INPP4B: variants seen among roughly 807,000 people sequenced by gnomAD.
INPP4B encodes the protein inositol polyphosphate 4-phosphatase type II.
Under a neutral mutation model 122.5 loss-of-function variants are expected in INPP4B, and 55 were observed. That is an observed-to-expected ratio of 0.45 (90% CI 0.36 to 0.56). The LOEUF (loss-of-function observed/expected upper bound fraction) is 0.56, where lower values mean the gene tolerates loss of function less well. Ranked by LOEUF, INPP4B falls within the 20% of genes least tolerant of loss-of-function variation. INPP4B has a pLI of 0.00. For missense variants in INPP4B, 1,000 were observed against 1,097.7 expected (o/e 0.91, Z 1.26); for synonymous variants, 403 against 388.7 (o/e 1.04, Z -0.43).
chr4:142,816,515 C>T (rs979374914), intron 1 of INPP4B, among the ~76,000 whole-genome samples: 8 of 151,852 alleles, frequency 5.3e-5, no homozygotes, highest in African/African-American at 1.9e-4. Context: ...TCTTAACTTC[C>T]AGTCATTTCT....
chr4:142,817,922 T>G (rs2151143101), intron 1 of INPP4B, among the ~76,000 whole-genome samples: 1 of 152,224 alleles, frequency 6.6e-6, no homozygotes, highest in South Asian at 2.1e-4. Context: ...AACTTAGCTG[T>G]GTGGTATTTT....
rs148142571 is a variant in INPP4B at position 142,250,591 on chromosome 4, A to C, written c.688+9901T>G. On this transcript the variant is annotated intron_variant, in intron 11 of 25. Coordinates refer to ENST00000262992, the MANE Select transcript of INPP4B (RefSeq NM_001101669.3). ...AAGTGCACAGGCCAAAGTCATATAC[A>C]TATTCTATATCTGCACAATGCACCT... Among the ~76,000 whole-genome samples, 101 of 152,348 alleles carry C rather than the reference A, an allele frequency of 6.6e-4. 1 individual carries two copies. Among genetic ancestry groups the C allele is most frequent in the Admixed American group, 3.5e-3 (54 of 15,296 alleles).
At chr4:142,791,578 A>G (rs1182044670) in intron 1 of INPP4B, among the ~76,000 whole-genome samples, 1 of 152,082 alleles carries the variant, frequency 6.6e-6, no homozygotes, top group Non-Finnish European at 1.5e-5. Flanking sequence ...ATGTCTTGCC[A>G]CTAACATGGG....
intron 2 of INPP4B, among the ~76,000 whole-genome samples, chr4:142,717,691 GA>G (rs1398365854): frequency 6.6e-6 from 1 of 152,046 alleles, no homozygotes. Context: ...AATGAGCAAT[GA>G]GAACACTTGG....
intron 2 of INPP4B, among the ~76,000 whole-genome samples, chr4:142,526,594 C>T (rs1242911978): frequency 3.9e-5 from 6 of 152,004 alleles, no homozygotes; most frequent in Non-Finnish European, 7.4e-5. Context: ...AGGATGCACA[C>T]GGAGATATCA....
chr4:142,512,919 A>G (rs925348029), intron 2 of INPP4B, among the ~76,000 whole-genome samples: 3 of 152,180 alleles, frequency 2.0e-5, no homozygotes, highest in African/African-American at 7.2e-5. Context: ...ATATTTTTTG[A>G]TATTACTCTA....
chr4:142,051,375 G>T (rs1208231293), intron 25 of INPP4B, among the ~76,000 whole-genome samples: 1 of 151,750 alleles, frequency 6.6e-6, no homozygotes, highest in Admixed American at 6.6e-5. Flanking sequence ...CTAGATGCTG[G>T]GTTAACAAAA....
intron 7 of INPP4B, among the ~76,000 whole-genome samples, chr4:142,344,089 C>T (rs1293246624): frequency 1.3e-5 from 2 of 152,010 alleles, no homozygotes; most frequent in East Asian, 1.9e-4. Context: ...TTTTGGTTAT[C>T]TTTCTAATAA....
chr4:142,240,191 GT>G (rs940753162), intron 11 of INPP4B, among the ~76,000 whole-genome samples: 62 of 145,994 alleles, frequency 4.2e-4, no homozygotes, highest in African/African-American at 1.2e-3. Flanking sequence ...GAGCATGCCA[GT>G]TTTTTTTTTC....
In INPP4B at chr4:142,678,966, T is replaced by C. The variant is rs528379135; in HGVS notation, c.-191+46873A>G. Reference sequence around the variant, plus strand: ...CTTTCAGTAATAAGACTGGGGAAATTATTCTACTGTTCTAACCAAAAAAGG... The same window carrying C: ...CTTTCAGTAATAAGACTGGGGAAATCATTCTACTGTTCTAACCAAAAAAGG... On this transcript the variant is annotated intron_variant, in intron 2 of 25. Transcript: ENST00000262992. 1.5e-4 allele frequency among the ~76,000 whole-genome samples: 23 copies of C among 152,050 alleles called. 2 individuals are homozygous for C. In the South Asian group the frequency reaches 4.8e-3, roughly 31 times the overall value.
rs547920815 is a variant in INPP4B at position 142,415,050 on chromosome 4, A to G, written c.137-9726T>C. ...AGTAAGCGGAAAAAGAAATGCAAGG[A>G]ACCACCTTAATTAAGCCTTTTACCA... is the stretch of plus-strand genomic sequence containing the variant. On this transcript the variant is annotated intron_variant, in intron 5 of 25. Coordinates refer to ENST00000262992, the MANE Select transcript of INPP4B (RefSeq NM_001101669.3). Among the ~76,000 whole-genome samples, 19 of 152,302 alleles carry G rather than the reference A, an allele frequency of 1.2e-4. No homozygotes were observed. The South Asian group carries it at 3.7e-3, about 30-fold the overall frequency.
At chr4:142,650,598 C>T (rs1190478633) in intron 2 of INPP4B, among the ~76,000 whole-genome samples, 1 of 149,614 alleles carries the variant, frequency 6.7e-6, no homozygotes, top group African/African-American at 2.4e-5. Flanking sequence ...AGACTTGAAA[C>T]CAACAAAGAT....
At chr4:142,092,517 C>A (rs1487933291) in intron 23 of INPP4B, among the ~76,000 whole-genome samples, 4 of 152,128 alleles carry the variant, frequency 2.6e-5, no homozygotes, top group Non-Finnish European at 2.9e-5. Flanking sequence ...TCTCAAACTC[C>A]TGACCTCAGG....
chr4:142,292,324 G>A (rs139129045), intron 9 of INPP4B, among the ~76,000 whole-genome samples: 1 of 152,216 alleles, frequency 6.6e-6, no homozygotes, highest in Non-Finnish European at 1.5e-5. Context: ...GGTCTATCCT[G>A]AAAGTGCTTT....
At chr4:142,205,517 A>G (rs1169495904) in intron 14 of INPP4B, among the ~76,000 whole-genome samples, 1 of 152,098 alleles carries the variant, frequency 6.6e-6, no homozygotes, top group Admixed American at 6.6e-5. Context: ...ATTTTCTCCA[A>G]TTTCATCAGC....
chr4:142,374,385 C>T (rs1036954382), intron 7 of INPP4B, among the ~76,000 whole-genome samples: 2 of 151,836 alleles, frequency 1.3e-5, no homozygotes, highest in Non-Finnish European at 2.9e-5. Flanking sequence ...ATCTAGATTT[C>T]TCAGCAAAGC....
At chr4:142,685,722 T>G (rs1444102443) in intron 2 of INPP4B, among the ~76,000 whole-genome samples, 1 of 152,060 alleles carries the variant, frequency 6.6e-6, no homozygotes, top group Non-Finnish European at 1.5e-5. Context: ...ATCACACAAC[T>G]GCACTCCCCC....
chr4:142,717,787 G>A (rs1235859738), intron 2 of INPP4B, among the ~76,000 whole-genome samples: 1 of 151,108 alleles, frequency 6.6e-6, no homozygotes, highest in Non-Finnish European at 1.5e-5. Flanking sequence ...AATACCTAAT[G>A]TAAATAACGA....
Position 142,720,799 on chromosome 4 carries a change from CTCTCTCTCTCTA to C in INPP4B, c.-191+5028_-191+5039del, listed in dbSNP as rs1457046419. ...TCTCTCTCTCTCTCTCTCTCTCTCT[CTCTCTCTCTCTA>C]TATATATATATATATATAGTTTTCT... is the stretch of plus-strand genomic sequence containing the variant. On this transcript the variant is annotated intron_variant, in intron 2 of 25. Coordinates refer to ENST00000262992, the MANE Select transcript of INPP4B (RefSeq NM_001101669.3). 8.4e-4 allele frequency among the ~76,000 whole-genome samples: 22 copies of C among 26,332 alleles called. 2 individuals are homozygous for C. Among genetic ancestry groups the C allele is most frequent in the African/African-American group, 2.7e-3 (20 of 7,406 alleles). The allele number at this position is 26,332 out of a possible 152,430, so 17.3% of individuals were successfully genotyped here. A position where few individuals can be genotyped will look rare whatever the true frequency, so the allele number is the denominator to read the frequency against.
Sources: gnomAD v4.1 joint callset for allele counts (sites outside exome capture counted in the v4.1 genomes callset) on GRCh38, gnomAD v4.1.1 for gene constraint, MANE v1.5 for transcripts, NCBI Gene and HGNC (gene_info 2026-07-23, HGNC 2026-07-21) for gene names.